The following KCNQ1OT1 variants were observed in gnomAD, a reference collection of about 807,000 sequenced individuals.
KCNQ1OT1 encodes KCNQ1 opposite strand/antisense transcript 1.
At chr11:2,619,397 A>G (rs1005749134) in exon 1 of KCNQ1OT1, 12 of 398,454 alleles carry the variant, frequency 3.0e-5, no homozygotes, top group African/African-American at 4.1e-5. Flanking sequence ...GTTCAACTTC[A>G]TCAAATACTT....
rs1024731661 is a variant in KCNQ1OT1, at chr11:2,670,531, C to G, written n.29464G>C. Reference sequence around the variant, plus strand: ...CAGCTCACAGAAGGGGAAATTGAAGCCTCAAGAAGGATAGGGACTTGCCAG... The same window carrying G: ...CAGCTCACAGAAGGGGAAATTGAAGGCTCAAGAAGGATAGGGACTTGCCAG... On this transcript the variant is annotated non_coding_transcript_exon_variant, in exon 1 of 1. Transcript: ENST00000597346. The surrounding 1 kb of genome is among the most constrained non-coding windows in gnomAD (Gnocchi z 4.9). 7.5e-6 allele frequency: 3 copies of G among 397,564 alleles called. No individual in the cohort carries two copies. In the Admixed American group the frequency reaches 1.3e-4, roughly 18 times the overall value. 24.6% of individuals were successfully genotyped at this position (397,564 alleles called of 1,614,324 possible).
rs546017135 is a variant in KCNQ1OT1 at position 2,643,416 on chromosome 11, G to A, written n.56579C>T. The A allele has an allele frequency of 2.3e-4, 93 of 398,290 alleles. No individual in the cohort carries two copies. Among genetic ancestry groups the A allele is most frequent in the South Asian group, 1.0e-3 (8 of 7,848 alleles). 24.7% of individuals were successfully genotyped at this position (398,290 alleles called of 1,614,324 possible). A position where few individuals can be genotyped will look rare whatever the true frequency, so the allele number is the denominator to read the frequency against. ...CCCTCTGTCACTATATAATGACTTC[G>A]TCTCTTTTTAGTGTTTTTAGCTTAA... is the stretch of plus-strand genomic sequence containing the variant. On this transcript the variant is annotated non_coding_transcript_exon_variant, in exon 1 of 1. Transcript: ENST00000597346.
exon 1 of KCNQ1OT1, chr11:2,675,128 T>C (rs1297575710): frequency 5.0e-6 from 2 of 398,518 alleles, no homozygotes; most frequent in African/African-American, 4.1e-5. Context: ...CACTAGCCTC[T>C]TTCTCCCATC....
Position 2,608,594 on chromosome 11 carries a change from G to C in KCNQ1OT1, n.91401C>G. The C allele has an allele frequency of 2.5e-6, 1 of 398,482 alleles. No individual in the cohort carries two copies. 24.7% of individuals were successfully genotyped at this position (398,482 alleles called of 1,614,324 possible). Reference sequence around the variant, plus strand: ...AGTCTCAAGTGATCCTTGCCCCTTAGCCTATGACAGGTGTGCACCACAACA... The same window carrying C: ...AGTCTCAAGTGATCCTTGCCCCTTACCCTATGACAGGTGTGCACCACAACA... On this transcript the variant is annotated non_coding_transcript_exon_variant, in exon 1 of 1. Transcript: ENST00000597346. This position sits in a 1 kb window ranked among gnomAD's most constrained non-coding sequence, Gnocchi z 4.6.
In KCNQ1OT1 at chr11:2,662,372, C is replaced by G. The variant is rs113193765; in HGVS notation, n.37623G>C. 0.014 allele frequency: 7,594 copies of G among 540,246 alleles called. 425 individuals are homozygous for G. The highest frequency in any genetic ancestry group is 0.12 in the African/African-American group (6,605 of 52,994). 33.5% of individuals were successfully genotyped at this position (540,246 alleles called of 1,614,324 possible). A position where few individuals can be genotyped will look rare whatever the true frequency, so the allele number is the denominator to read the frequency against. On this transcript the variant is annotated non_coding_transcript_exon_variant, in exon 1 of 1. Transcript: ENST00000597346. The stretch of plus-strand genomic sequence containing the variant: ...TGAGAGTCTGAGATTGTTTTTCTCT[C>G]CCCCAGCCCCCTCCCCTGCCCCCCA...
At position 2,670,189 on chromosome 11, in the gene KCNQ1OT1, CA is replaced by C. The variant is rs1167367109; in HGVS notation, n.29805del. The C allele has an allele frequency of 2.5e-6, 1 of 398,506 alleles. No homozygotes were observed. The highest frequency in any genetic ancestry group is 2.1e-5 in the African/African-American group (1 of 48,612). The allele number at this position is 398,506 out of a possible 1,614,324, so 24.7% of individuals were successfully genotyped here. ...GCCAAGGCAAGCACCCACATTAAAG[CA>C]GAGTGAAGAGCAGGGCGAGCTGTGT... On this transcript the variant is annotated non_coding_transcript_exon_variant, in exon 1 of 1. Transcript: ENST00000597346. This position sits in a 1 kb window ranked among gnomAD's most constrained non-coding sequence, Gnocchi z 4.9.
Position 2,621,191 on chromosome 11 carries a change from T to C in KCNQ1OT1, n.78804A>G. Reference sequence around the variant, plus strand: ...CGGGGTTTCACCATGTTGGCCAGGATGGTCTCGAATACCTGACCCCAGATG... The same window carrying C: ...CGGGGTTTCACCATGTTGGCCAGGACGGTCTCGAATACCTGACCCCAGATG... On this transcript the variant is annotated non_coding_transcript_exon_variant, in exon 1 of 1. Transcript: ENST00000597346. This position sits in a 1 kb window ranked among gnomAD's most constrained non-coding sequence, Gnocchi z 5.7. 2.5e-6 allele frequency: 1 copy of C among 397,672 alleles called. No homozygotes were observed. The highest frequency in any genetic ancestry group is 4.4e-6 in the Non-Finnish European group (1 of 226,036). 24.6% of individuals were successfully genotyped at this position (397,672 alleles called of 1,614,324 possible). A position where few individuals can be genotyped will look rare whatever the true frequency, so the allele number is the denominator to read the frequency against.
At chr11:2,699,723 C>T (rs1044257445) in exon 1 of KCNQ1OT1, 5 of 290,488 alleles carry the variant, frequency 1.7e-5, no homozygotes, top group African/African-American at 9.1e-5. Context: ...GAGGAGTCCC[C>T]GGGGAGAACT....
At chr11:2,632,935 G>C (rs573151275) in exon 1 of KCNQ1OT1, 2 of 398,392 alleles carry the variant, frequency 5.0e-6, no homozygotes, top group Non-Finnish European at 8.9e-6. Flanking sequence ...GTCAATACCC[G>C]GTAGTGGATT....
chr11:2,653,592 C>T lies in KCNQ1OT1; in HGVS notation n.46403G>A. ...TCTTTTGTTCTCCCTTTCCCTTGCT[C>T]TCTATCCATTGGCCCCATGGGATGG... On this transcript the variant is annotated non_coding_transcript_exon_variant, in exon 1 of 1. Coordinates refer to ENST00000597346, the Ensembl canonical transcript of KCNQ1OT1. The surrounding 1 kb of genome is among the most constrained non-coding windows in gnomAD (Gnocchi z 5.3). 1 of 398,748 alleles carries T rather than the reference C, an allele frequency of 2.5e-6. No individual in the cohort carries two copies. The highest frequency in any genetic ancestry group is 4.4e-6 in the Non-Finnish European group (1 of 226,130). The allele number at this position is 398,748 out of a possible 1,614,324, so 24.7% of individuals were successfully genotyped here.
exon 1 of KCNQ1OT1, chr11:2,648,566 G>T (rs1849703184): frequency 2.5e-6 from 1 of 398,328 alleles, no homozygotes; most frequent in Non-Finnish European, 4.4e-6. Flanking sequence ...TGATTTCCGT[G>T]TATCTGTTCA....
rs571521106 is a variant in KCNQ1OT1, at chr11:2,682,454, G to A, written n.17541C>T. ...GCTTAATCCATATGGAGCCTGTCAC[G>A]GACCCTCAGTGAATGTTTGACGAGT... On this transcript the variant is annotated non_coding_transcript_exon_variant, in exon 1 of 1. Coordinates refer to ENST00000597346, the Ensembl canonical transcript of KCNQ1OT1. The surrounding 1 kb of genome is among the most constrained non-coding windows in gnomAD (Gnocchi z 5.8). 1.0e-5 allele frequency: 4 copies of A among 395,752 alleles called. No homozygotes were observed. The highest frequency in any genetic ancestry group is 4.2e-5 in the African/African-American group (2 of 47,226). 24.5% of individuals were successfully genotyped at this position (395,752 alleles called of 1,614,324 possible).
At chr11:2,696,149 G>A (rs1007063828) in exon 1 of KCNQ1OT1, 6 of 398,476 alleles carry the variant, frequency 1.5e-5, no homozygotes, top group Non-Finnish European at 2.7e-5. Context: ...TTAGTCTTGA[G>A]GTTTGTGCTT....
rs1245346316 is a variant in KCNQ1OT1 at position 2,657,672 on chromosome 11, A to G, written n.42323T>C. Reference sequence around the variant, plus strand: ...TTGGATTTCCCCAGTTTAACTACTAATGTCCTTTTTCTGTTCCAAGATCCC... The same window carrying G: ...TTGGATTTCCCCAGTTTAACTACTAGTGTCCTTTTTCTGTTCCAAGATCCC... On this transcript the variant is annotated non_coding_transcript_exon_variant, in exon 1 of 1. Transcript: ENST00000597346. The surrounding 1 kb of genome is among the most constrained non-coding windows in gnomAD (Gnocchi z 4.8). 2.5e-6 allele frequency: 1 copy of G among 398,492 alleles called. No individual in the cohort carries two copies. Among genetic ancestry groups the G allele is most frequent in the African/African-American group, 2.1e-5 (1 of 48,630 alleles). The allele number at this position is 398,492 out of a possible 1,614,324, so 24.7% of individuals were successfully genotyped here.
chr11:2,689,813 G>A (rs1343667985), exon 1 of KCNQ1OT1: 1 of 398,662 alleles, frequency 2.5e-6, no homozygotes, highest in Admixed American at 4.4e-5. Context: ...TCTCAGTGTG[G>A]TGCTTGGCCC....
At chr11:2,649,479 G>C (rs1849724892) in exon 1 of KCNQ1OT1, 1 of 398,448 alleles carries the variant, frequency 2.5e-6, no homozygotes. Flanking sequence ...TAGTAGTAAT[G>C]AATTCCCTCA....
At chr11:2,692,596 C>G (rs1850606647) in exon 1 of KCNQ1OT1, 1 of 398,602 alleles carries the variant, frequency 2.5e-6, no homozygotes, top group African/African-American at 2.1e-5. Context: ...CAGGCTAGTT[C>G]CAGTGGGTTC....
exon 1 of KCNQ1OT1, chr11:2,640,985 A>G (rs1159457840): frequency 2.5e-6 from 1 of 398,500 alleles, no homozygotes; most frequent in African/African-American, 2.1e-5. Context: ...TGTTGCTGCA[A>G]AGGACATGAT....
In KCNQ1OT1 at chr11:2,691,165, C is replaced by A. The variant is rs1414224477; in HGVS notation, n.8830G>T. 2 of 398,502 alleles carry A rather than the reference C, an allele frequency of 5.0e-6. No individual in the cohort carries two copies. The highest frequency in any genetic ancestry group is 8.8e-5 in the Admixed American group (2 of 22,720). The allele number at this position is 398,502 out of a possible 1,614,324, so 24.7% of individuals were successfully genotyped here. On this transcript the variant is annotated non_coding_transcript_exon_variant, in exon 1 of 1. Transcript: ENST00000597346. This position sits in a 1 kb window ranked among gnomAD's most constrained non-coding sequence, Gnocchi z 6.4. ...TGTGCTGGCCTCTGGCCTCTCACAG[C>A]CTTGGGAGGGGTGCTCAGAGCTCAG...
Sources: gnomAD v4.1 joint callset for allele counts on GRCh38, gnomAD v4.1.1 for gene constraint, Gnocchi (gnomAD v3.1) non-coding constraint, MANE v1.5 for transcripts, NCBI Gene and HGNC (gene_info 2026-07-23, HGNC 2026-07-21) for gene names.